The following XRRA1 variants were observed in gnomAD, a reference collection of about 807,000 sequenced individuals.
XRRA1 encodes X-ray radiation resistance associated 1, also known as X-ray radiation resistance-associated protein 1.
Under a neutral mutation model 80.2 loss-of-function variants are expected in XRRA1, and 69 were observed. The observed-to-expected ratio is 0.86, with a 90% confidence interval of 0.71 to 1.05. The LOEUF (loss-of-function observed/expected upper bound fraction) is 1.05. Among genes scored for constraint, XRRA1 ranks in the 50% least tolerant of loss-of-function variants. XRRA1 has a pLI of 0.00. For missense variants in XRRA1, 967 were observed against 976.4 expected, an observed-to-expected ratio of 0.99 and a Z score of 0.13; for synonymous variants, 348 against 389.9, an observed-to-expected ratio of 0.89 and a Z score of 1.27.
intron 10 of XRRA1, among the ~76,000 whole-genome samples, chr11:74,896,305 G>C (rs1187584916): frequency 6.6e-6 from 1 of 152,212 alleles, no homozygotes; most frequent in East Asian, 1.9e-4. Context: ...TGCTCTGAAG[G>C]GTGAGTCCCA....
chr11:74,928,780 A>G (rs990804844), intron 6 of XRRA1, among the ~76,000 whole-genome samples: 1 of 152,182 alleles, frequency 6.6e-6, no homozygotes, highest in Non-Finnish European at 1.5e-5. Flanking sequence ...TTACTATAGA[A>G]TAATTTCCTG....
chr11:74,883,049 C>T (rs1195035848), intron 10 of XRRA1, among the ~76,000 whole-genome samples: 4 of 152,266 alleles, frequency 2.6e-5, no homozygotes, highest in African/African-American at 7.2e-5. Flanking sequence ...CCAGTTCGAG[C>T]TTCCCGGCTG....
chr11:74,922,906 T>A (rs750336120), intron 7 of XRRA1, among the ~76,000 whole-genome samples: 1 of 152,206 alleles, frequency 6.6e-6, no homozygotes, highest in Non-Finnish European at 1.5e-5. Context: ...GTCATCATCA[T>A]CATCATCATT....
At chr11:74,843,669 T>C in intron 18 of XRRA1, 185 bp downstream of exon 18, 3 of 809,256 alleles carry the variant, frequency 3.7e-6, no homozygotes, top group Non-Finnish European at 5.8e-6. Flanking sequence ...GACCTTAACA[T>C]GCTGTGTGAT....
intron 14 of XRRA1, among the ~76,000 whole-genome samples, chr11:74,848,668 C>A (rs1006827666): frequency 2.6e-5 from 4 of 152,146 alleles, no homozygotes; most frequent in African/African-American, 9.7e-5. Context: ...TGAAACTACC[C>A]AATGAATAAT....
At position 74,936,967 on chromosome 11, in the gene XRRA1, A is replaced by C; in HGVS notation, c.196T>G (p.Ser66Ala). The C allele has an allele frequency of 6.2e-7, 1 of 1,613,728 alleles. No individual in the cohort carries two copies. The highest frequency in any genetic ancestry group is 8.5e-7 in the Non-Finnish European group (1 of 1,179,828). ...TCTTTCTTCCCCTTGAACTCAAAAGAAGTCGCCTTCAGGCTTTCCCGACGT... is the reference window on the plus strand; with the variant it reads ...TCTTTCTTCCCCTTGAACTCAAAAGCAGTCGCCTTCAGGCTTTCCCGACGT... Reference protein sequence around the residue: ...AERRESLKATSFEFKGKKESR... With the variant: ...AERRESLKATAFEFKGKKESR... Residue 66 changes from serine to alanine, a missense_variant, in exon 4 of 19, where the codon TCT becomes GCT. Transcript: ENST00000684022.
At chr11:74,869,099 T>C (rs2044162470) in intron 10 of XRRA1, among the ~76,000 whole-genome samples, 1 of 151,952 alleles carries the variant, frequency 6.6e-6, no homozygotes. Context: ...CAATCAGATA[T>C]AGAACAATCC....
At chr11:74,873,941 A>AT (rs2045467181) in intron 10 of XRRA1, among the ~76,000 whole-genome samples, 2 of 152,038 alleles carry the variant, frequency 1.3e-5, no homozygotes, top group Non-Finnish European at 2.9e-5. Context: ...ATATCACCTC[A>AT]TAAAAAAAAC....
At chr11:74,924,133 T>C (rs1184211092) in intron 7 of XRRA1, among the ~76,000 whole-genome samples, 1 of 147,400 alleles carries the variant, frequency 6.8e-6, no homozygotes, top group Non-Finnish European at 1.5e-5. Flanking sequence ...TGAGCCACCC[T>C]GCCCAGCCAA....
At chr11:74,932,865 T>C (rs140577891) in intron 5 of XRRA1, among the ~76,000 whole-genome samples, 1 of 152,218 alleles carries the variant, frequency 6.6e-6, no homozygotes, top group African/African-American at 2.4e-5. Flanking sequence ...AGGAGCAGTC[T>C]GCTTTACCAC....
intron 12 of XRRA1, among the ~76,000 whole-genome samples, chr11:74,856,759 A>G (rs1216921039): frequency 2.0e-5 from 3 of 152,188 alleles, no homozygotes; most frequent in African/African-American, 7.2e-5. Context: ...AAGAGGAGAT[A>G]GCTCCCACCA....
rs545394354 is a variant in XRRA1, at chr11:74,934,068, C to T, written c.280-196G>A. ...TTACCAAACACTAAATTGGGCCATA[C>T]GCTTTGCTGAATACATTAACAAACT... On this transcript the variant is annotated intron_variant, in intron 4 of 18. Transcript: ENST00000684022. Among the ~76,000 whole-genome samples the T allele has an allele frequency of 6.0e-4, 92 of 152,264 alleles. 1 individual carries two copies. Among genetic ancestry groups the T allele is most frequent in the Admixed American group, 4.1e-3 (63 of 15,296 alleles).
chr11:74,881,635 A>G (rs1207677216), intron 10 of XRRA1, among the ~76,000 whole-genome samples: 1 of 152,082 alleles, frequency 6.6e-6, no homozygotes, highest in Non-Finnish European at 1.5e-5. Flanking sequence ...TGCTTCCTTC[A>G]GGAGCTCTTG....
intron 2 of XRRA1, among the ~76,000 whole-genome samples, chr11:74,941,984 A>G (rs937124039): frequency 5.9e-5 from 9 of 152,078 alleles, no homozygotes; most frequent in Non-Finnish European, 8.8e-5. Context: ...ACAGTGGTAC[A>G]TGCCTGTGGT....
At chr11:74,863,064 G>A (rs866404420) in intron 10 of XRRA1, 43 bp from the exon 11 acceptor site, 1 of 1,566,188 alleles carries the variant, frequency 6.4e-7, no homozygotes, top group Non-Finnish European at 8.7e-7. Context: ...TGAGACCGCT[G>A]ATTGATGCCT....
chr11:74,884,070 A>G (rs1310759861), intron 10 of XRRA1, among the ~76,000 whole-genome samples: 1 of 152,046 alleles, frequency 6.6e-6, no homozygotes, highest in Non-Finnish European at 1.5e-5. Context: ...GTGTTGGGGC[A>G]CACCTGTAAT....
intron 10 of XRRA1, among the ~76,000 whole-genome samples, chr11:74,889,280 C>T (rs1471216598): frequency 6.6e-6 from 1 of 152,120 alleles, no homozygotes; most frequent in East Asian, 1.9e-4. Context: ...ATTTTCAACC[C>T]AGAATTTCAT....
At chr11:74,858,990 TC>T (rs919076292) in intron 12 of XRRA1, among the ~76,000 whole-genome samples, 167 bp downstream of exon 12, 4 of 152,200 alleles carry the variant, frequency 2.6e-5, no homozygotes, top group African/African-American at 9.6e-5. Context: ...AGAGATGGAC[TC>T]CTGCCTTGGC....
chr11:74,889,735 A>G (rs138101330), intron 10 of XRRA1, among the ~76,000 whole-genome samples: 3,233 of 152,314 alleles, frequency 0.021, 110 homozygotes, highest in African/African-American at 0.074. Context: ...GAAAACAAAA[A>G]AAGGCAGGGG....
Sources: allele counts gnomAD v4.1 joint callset (sites outside exome capture counted in the v4.1 genomes callset), GRCh38; gene constraint gnomAD v4.1.1; transcripts MANE v1.5; gene names NCBI Gene and HGNC (gene_info 2026-07-23, HGNC 2026-07-21).